LRBA: variants seen among roughly 807,000 people sequenced by gnomAD.
LRBA encodes the protein lipopolysaccharide-responsive and beige-like anchor protein.
In LRBA, 176 loss-of-function variants were observed where a neutral mutation model predicts 330.0. That is an observed-to-expected ratio of 0.53 (90% CI 0.47 to 0.60). The LOEUF (loss-of-function observed/expected upper bound fraction) is 0.60, where lower values mean the gene tolerates loss of function less well. LRBA is among the 20% of genes least tolerant of loss of function. The pLI is 0.00. For synonymous variants in LRBA, 1,230 were observed against 1,193.0 expected (o/e 1.03, Z -0.64); for missense variants, 3,259 against 3,444.8 (o/e 0.95, Z 1.35).
rs747452859 is a variant in LRBA, at chr4:150,735,323, T to C, written c.5689A>G (p.Asn1897Asp). 3.6e-5 allele frequency: 58 copies of C among 1,613,652 alleles called. 1 individual carries two copies. The highest frequency in any genetic ancestry group is 3.3e-4 in the South Asian group (30 of 91,070). ...TMKDHLVRVANEAEFILSRQR... is the reference protein window; with the variant it reads ...TMKDHLVRVADEAEFILSRQR... The stretch of plus-strand genomic sequence containing the variant: ...CTGCTCAGGATAAATTCAGCTTCAT[T>C]TGCTACTCTTACTAGATGATCCTTC... The change falls in exon 36 of 57, where the codon AAT becomes GAT. Residue 1897 changes from asparagine (N) to aspartate (D), a missense_variant. By Grantham distance (23) the Asn-to-Asp change is conservative. Coordinates refer to ENST00000651943, the MANE Select transcript of LRBA (RefSeq NM_001364905.1).
At chr4:150,442,525 T>C (rs890460805) in intron 44 of LRBA, among the ~76,000 whole-genome samples, 3 of 152,180 alleles carry the variant, frequency 2.0e-5, no homozygotes, top group Admixed American at 1.3e-4. Flanking sequence ...TCATTTGATA[T>C]GACTGGGAAA....
At chr4:150,551,321 T>TTA (rs1561337913) in intron 40 of LRBA, among the ~76,000 whole-genome samples, 4 of 152,192 alleles carry the variant, frequency 2.6e-5, no homozygotes, top group Non-Finnish European at 5.9e-5. Context: ...GAAATGAATA[T>TTA]GTAAATTAGC....
intron 34 of LRBA, among the ~76,000 whole-genome samples, chr4:150,782,417 G>C (rs1738380453): frequency 6.6e-6 from 1 of 152,190 alleles, no homozygotes; most frequent in African/African-American, 2.4e-5. Context: ...GTTTTACTGA[G>C]CCAAAATAAA....
At position 150,908,839 on chromosome 4, in the gene LRBA, C is replaced by G. The variant is rs753848083; in HGVS notation, c.1180G>C (p.Ala394Pro). The G allele has an allele frequency of 1.2e-6, 2 of 1,612,320 alleles. No homozygotes were observed. Among genetic ancestry groups the G allele is most frequent in the Admixed American group, 3.3e-5 (2 of 59,778 alleles). The change falls in exon 10 of 57, where the codon GCA (alanine) becomes CCA (proline). Residue 394 changes from alanine to proline, a missense_variant. Physicochemically the swap from Ala to Pro is conservative, Grantham distance 27. Coordinates refer to ENST00000651943, the MANE Select transcript of LRBA (RefSeq NM_001364905.1). ...LGYKGTFKFK[A>P]ESDLFLAEHH... ...TCAGCAAGGAAAAGGTCGCTTTCTG[C>G]TTTGAATTTAAATGTACCCTAAGAA... is the stretch of plus-strand genomic sequence containing the variant.
chr4:150,442,982 T>C (rs1267367856), intron 44 of LRBA, among the ~76,000 whole-genome samples: 1 of 152,176 alleles, frequency 6.6e-6, no homozygotes, highest in African/African-American at 2.4e-5. Flanking sequence ...AATGCTACTA[T>C]TTGCTGAATA....
chr4:150,657,197 G>T (rs1483936796), intron 37 of LRBA, among the ~76,000 whole-genome samples: 1 of 152,130 alleles, frequency 6.6e-6, no homozygotes, highest in Non-Finnish European at 1.5e-5. Context: ...AAGGAGACAT[G>T]TTTTTGTTTT....
chr4:150,829,532 C>T (rs1327718597), intron 29 of LRBA, among the ~76,000 whole-genome samples: 1 of 152,166 alleles, frequency 6.6e-6, no homozygotes, highest in Non-Finnish European at 1.5e-5. Context: ...TGATTATTCC[C>T]TCCAACTAGA....
intron 37 of LRBA, among the ~76,000 whole-genome samples, chr4:150,610,944 C>A (rs1482398023): frequency 6.6e-6 from 1 of 152,038 alleles, no homozygotes; most frequent in Non-Finnish European, 1.5e-5. Context: ...TATCCAGTCC[C>A]CTTATTTACT....
Position 150,435,709 on chromosome 4 carries a change from C to A in LRBA, c.6922-1G>T. 1 of 1,591,720 alleles carries A rather than the reference C, an allele frequency of 6.3e-7. No individual in the cohort carries two copies. The highest frequency in any genetic ancestry group is 8.5e-7 in the Non-Finnish European group (1 of 1,173,270). On this transcript the variant is annotated splice_acceptor_variant, in intron 45 of 56. Transcript: ENST00000651943. LOFTEE classifies it high-confidence loss of function. ...TTAGGAAATAAGTTGTAAAGGGTTCCTAAAAAATAGCAATTAAAAAAATCC... is the reference window on the plus strand; with the variant it reads ...TTAGGAAATAAGTTGTAAAGGGTTCATAAAAAATAGCAATTAAAAAAATCC...
intron 40 of LRBA, among the ~76,000 whole-genome samples, chr4:150,571,973 G>A (rs779193023): frequency 3.3e-5 from 5 of 151,182 alleles, no homozygotes; most frequent in Non-Finnish European, 7.4e-5. Flanking sequence ...TATTACTTAG[G>A]TATTATAACA....
intron 36 of LRBA, among the ~76,000 whole-genome samples, chr4:150,716,276 G>A (rs771904855): frequency 3.9e-5 from 6 of 152,042 alleles, no homozygotes; most frequent in African/African-American, 7.2e-5. Flanking sequence ...GTGAAACCCC[G>A]TCTCTACTAA....
At chr4:150,496,207 A>T (rs1214365989) in intron 40 of LRBA, among the ~76,000 whole-genome samples, 2 of 152,262 alleles carry the variant, frequency 1.3e-5, no homozygotes, top group East Asian at 3.9e-4. Flanking sequence ...CAAATAGTAT[A>T]CTATTAACAC....
At chr4:150,725,996 G>A (rs1009346208) in intron 36 of LRBA, among the ~76,000 whole-genome samples, 7 of 151,928 alleles carry the variant, frequency 4.6e-5, no homozygotes, top group African/African-American at 7.3e-5. Flanking sequence ...AATAAAATGG[G>A]TACACAAAAT....
chr4:150,441,165 T>TA (rs1480605758), intron 44 of LRBA, among the ~76,000 whole-genome samples: 1 of 151,938 alleles, frequency 6.6e-6, no homozygotes, highest in East Asian at 1.9e-4. Flanking sequence ...GAATATTTAA[T>TA]AAAAAAAGGC....
At chr4:150,425,813 C>A (rs1749523955) in intron 46 of LRBA, among the ~76,000 whole-genome samples, 1 of 151,982 alleles carries the variant, frequency 6.6e-6, no homozygotes, top group Non-Finnish European at 1.5e-5. Flanking sequence ...ATATTTATTT[C>A]ATTTTTCCTA....
chr4:150,809,916 ATAC>A lies in LRBA; in HGVS notation c.5306-1521_5306-1519del, dbSNP rs1414243602. ...ATACGATACGATACGATACGATACG[ATAC>A]GATACGATACGATACTTCCCTCTGC... On this transcript the variant is annotated intron_variant, in intron 31 of 56. Coordinates refer to ENST00000651943, the MANE Select transcript of LRBA (RefSeq NM_001364905.1). Among the ~76,000 whole-genome samples the A allele has an allele frequency of 5.2e-4, 66 of 128,048 alleles. 1 individual carries two copies. The highest frequency in any genetic ancestry group is 3.9e-3 in the Middle Eastern group (1 of 254). The allele number at this position is 128,048 out of a possible 152,430, so 84.0% of individuals were successfully genotyped here.
intron 37 of LRBA, among the ~76,000 whole-genome samples, chr4:150,648,492 C>T (rs1413197446): frequency 6.6e-6 from 1 of 151,946 alleles, no homozygotes; most frequent in Admixed American, 6.6e-5. Flanking sequence ...TATTTAACTA[C>T]CTGGATTCCA....
intron 41 of LRBA, among the ~76,000 whole-genome samples, chr4:150,489,250 T>C (rs1758421025): frequency 9.5e-6 from 1 of 105,450 alleles, no homozygotes; most frequent in South Asian, 2.8e-4. Flanking sequence ...GAATATATAA[T>C]ATATTATATA....
intron 22 of LRBA, among the ~76,000 whole-genome samples, chr4:150,859,203 A>G (rs1409779272): frequency 6.6e-6 from 1 of 152,200 alleles, no homozygotes; most frequent in East Asian, 1.9e-4. Flanking sequence ...TCCAATTCAT[A>G]TTATACTTTT....
Sources: gnomAD v4.1 joint callset for allele counts (sites outside exome capture counted in the v4.1 genomes callset) on GRCh38, gnomAD v4.1.1 for gene constraint, MANE v1.5 for transcripts, NCBI Gene and HGNC (gene_info 2026-07-23, HGNC 2026-07-21) for gene names.